The following ANO2 variants were observed in gnomAD, a reference collection of about 807,000 sequenced individuals.
ANO2 encodes anoctamin 2.
Under a neutral mutation model 124.2 loss-of-function variants are expected in ANO2, and 101 were observed. That is an observed-to-expected ratio of 0.81 (90% CI 0.69 to 0.96). The LOEUF is 0.96. Ranked by LOEUF, ANO2 falls within the 40% of genes least tolerant of loss-of-function variation. ANO2 has a pLI of 0.00. For synonymous variants in ANO2, 486 were observed against 482.5 expected (o/e 1.01, Z -0.09); for missense variants, 1,293 against 1,274.5 (o/e 1.01, Z -0.22).
chr12:5,732,918 T>G (rs746797355), intron 13 of ANO2: 1 of 1,613,278 alleles, frequency 6.2e-7, no homozygotes, highest in Non-Finnish European at 8.5e-7. Flanking sequence ...GAGGAAATGT[T>G]AACTGGATGG....
At chr12:5,603,958 A>AAG (rs931478077) in intron 19 of ANO2, among the ~76,000 whole-genome samples, 7 of 151,430 alleles carry the variant, frequency 4.6e-5, no homozygotes, top group African/African-American at 1.7e-4. Context: ...AAAAAAAAAA[A>AAG]AAAAAAAGAA....
chr12:5,738,350 T>G (rs964228471), intron 13 of ANO2, among the ~76,000 whole-genome samples: 3 of 152,016 alleles, frequency 2.0e-5, no homozygotes, highest in African/African-American at 7.2e-5. Context: ...TGTAGGAGAG[T>G]AATGAGCAGG....
intron 14 of ANO2, among the ~76,000 whole-genome samples, chr12:5,731,962 C>T (rs546515224): frequency 5.3e-5 from 8 of 152,278 alleles, no homozygotes; most frequent in Admixed American, 2.0e-4. Context: ...TATGGCATAG[C>T]GGTTAGAGGC....
At chr12:5,774,112 G>A (rs967926844) in intron 10 of ANO2, among the ~76,000 whole-genome samples, 3 of 152,132 alleles carry the variant, frequency 2.0e-5, no homozygotes, top group Non-Finnish European at 2.9e-5. Flanking sequence ...TAATGTGTGG[G>A]CATGGCAGAA....
intron 3 of ANO2, among the ~76,000 whole-genome samples, chr12:5,920,701 TA>T (rs965319126): frequency 6.6e-6 from 1 of 151,834 alleles, no homozygotes; most frequent in Non-Finnish European, 1.5e-5. Context: ...CCGTCTCTAC[TA>T]AAAAAATACA....
intron 12 of ANO2, among the ~76,000 whole-genome samples, chr12:5,741,822 C>A (rs1951105697): frequency 6.6e-6 from 1 of 152,096 alleles, no homozygotes; most frequent in Non-Finnish European, 1.5e-5. Context: ...AGTAATCTGC[C>A]CAAGGTAACA....
chr12:5,877,357 C>T (rs1938178846), intron 3 of ANO2, among the ~76,000 whole-genome samples: 1 of 152,188 alleles, frequency 6.6e-6, no homozygotes, highest in African/African-American at 2.4e-5. Flanking sequence ...AGGAACCCAC[C>T]CTGCTGGCAC....
chr12:5,750,910 G>A lies in ANO2; in HGVS notation c.1116C>T (p.Phe372=), dbSNP rs1468136002. The A allele has an allele frequency of 6.2e-7, 1 of 1,611,304 alleles. No individual in the cohort carries two copies. The highest frequency in any genetic ancestry group is 2.2e-5 in the East Asian group (1 of 44,846). Residue 372 remains phenylalanine (F), a synonymous_variant, in exon 11 of 25, where the codon TTC becomes TTT. Transcript: ENST00000682330. ...YFAWLGLYTS[F]LIPSSVIGVI... is the part of the protein sequence containing the mutation. ...CTCCAATTACAGAAGATGGGATGAG[G>A]AATGATGTATATAATCCCAGCCAGG...
intron 1 of ANO2, 100 bp from the exon 2 acceptor site, chr12:5,922,904 G>A: frequency 1.6e-6 from 2 of 1,253,122 alleles, no homozygotes; most frequent in Non-Finnish European, 2.1e-6. Flanking sequence ...CTGAGAAAAT[G>A]GCCCATTTTG....
At chr12:5,770,940 T>C (rs1311363514) in intron 10 of ANO2, among the ~76,000 whole-genome samples, 1 of 152,160 alleles carries the variant, frequency 6.6e-6, no homozygotes, top group Admixed American at 6.5e-5. Flanking sequence ...TCTGCTCCAA[T>C]GTCACCTCCT....
intron 4 of ANO2, among the ~76,000 whole-genome samples, chr12:5,840,383 G>A (rs1325378533): frequency 6.6e-6 from 1 of 152,086 alleles, no homozygotes; most frequent in Non-Finnish European, 1.5e-5. Context: ...GAGGGGCACA[G>A]CAGTGTGGTC....
In ANO2 at chr12:5,582,759, T is replaced by C. The variant is rs1029446925; in HGVS notation, c.2234-4241A>G. Reference sequence around the variant, plus strand: ...CATTTGTACTTCCCCAAACTCACCATGATTTCTACATTTCTGAGCCTTGGT... The same window carrying C: ...CATTTGTACTTCCCCAAACTCACCACGATTTCTACATTTCTGAGCCTTGGT... On this transcript the variant is annotated intron_variant, in intron 20 of 24. Transcript: ENST00000682330. Among the ~76,000 whole-genome samples, 6 of 152,350 alleles carry C rather than the reference T, an allele frequency of 3.9e-5. No homozygotes were observed. In the East Asian group the frequency reaches 7.7e-4, roughly 20 times the overall value.
intron 4 of ANO2, among the ~76,000 whole-genome samples, chr12:5,845,672 C>T (rs1024240822): frequency 5.3e-5 from 8 of 151,942 alleles, no homozygotes; most frequent in African/African-American, 1.9e-4. Flanking sequence ...ACCTCAAGTC[C>T]AGTTATGGAT....
chr12:5,701,213 T>C (rs772602778), intron 14 of ANO2, among the ~76,000 whole-genome samples: 14 of 150,110 alleles, frequency 9.3e-5, no homozygotes, highest in Non-Finnish European at 2.1e-4. Flanking sequence ...TCTACAGATA[T>C]CATTTCCAAG....
intron 10 of ANO2, among the ~76,000 whole-genome samples, chr12:5,782,734 A>G (rs1952437139): frequency 6.6e-6 from 1 of 152,216 alleles, no homozygotes; most frequent in Admixed American, 6.5e-5. Flanking sequence ...CCCAAAGGTC[A>G]CAAGTTTAAA....
In ANO2 at chr12:5,750,976, A is replaced by C; in HGVS notation, c.1056-6T>G. ...TTTTTTCTCCAAAATACTTTCTGGAAAAGAAAGAAAAGAAAATGAAACACA... is the reference window on the plus strand; with the variant it reads ...TTTTTTCTCCAAAATACTTTCTGGACAAGAAAGAAAAGAAAATGAAACACA... On this transcript the variant is annotated splice_region_variant and splice_polypyrimidine_tract_variant and intron_variant, in intron 10 of 24. Coordinates refer to ENST00000682330, the MANE Select transcript of ANO2 (RefSeq NM_001364791.2). The C allele has an allele frequency of 6.3e-7, 1 of 1,582,576 alleles. No individual in the cohort carries two copies. The highest frequency in any genetic ancestry group is 8.6e-7 in the Non-Finnish European group (1 of 1,163,930).
At chr12:5,591,045 A>G (rs1943371621) in intron 20 of ANO2, among the ~76,000 whole-genome samples, 2 of 152,154 alleles carry the variant, frequency 1.3e-5, no homozygotes, top group African/African-American at 4.8e-5. Context: ...GCAGGGCGTG[A>G]CGGGAATGCC....
chr12:5,887,984 G>A (rs1939068288), intron 3 of ANO2, among the ~76,000 whole-genome samples: 1 of 152,202 alleles, frequency 6.6e-6, no homozygotes, highest in South Asian at 2.1e-4. Flanking sequence ...CAGACATACA[G>A]AGGTTGATTC....
At chr12:5,775,381 A>G (rs1416504573) in intron 10 of ANO2, among the ~76,000 whole-genome samples, 1 of 152,192 alleles carries the variant, frequency 6.6e-6, no homozygotes, top group Non-Finnish European at 1.5e-5. Context: ...TCATGTTAAA[A>G]ATTATACAAG....
Sources: allele counts gnomAD v4.1 joint callset (sites outside exome capture counted in the v4.1 genomes callset), GRCh38; gene constraint gnomAD v4.1.1; transcripts MANE v1.5; gene names NCBI Gene and HGNC (gene_info 2026-07-23, HGNC 2026-07-21).